NOD1: variants seen among roughly 807,000 people sequenced by gnomAD.
NOD1 encodes nucleotide binding oligomerization domain containing 1, also known as nucleotide-binding oligomerization domain-containing protein 1.
NOD1 carries 70 observed loss-of-function variants against 81.2 expected under a neutral mutation model. The observed-to-expected ratio is 0.86, with a 90% CI of 0.71 to 1.05. The LOEUF (loss-of-function observed/expected upper bound fraction) is 1.05. NOD1 is among the 50% of genes least tolerant of loss of function. The pLI, the probability that NOD1 is intolerant of heterozygous loss-of-function variation, is 0.00. For synonymous variants in NOD1, 508 were observed against 526.9 expected (o/e 0.96, Z 0.49); for missense variants, 1,233 against 1,228.0 (o/e 1.00, Z -0.06).
rs1451869675 is a variant in NOD1 at position 30,424,544 on chromosome 7, T to C, written c.*1094A>G. 2 of 152,188 alleles carry C rather than the reference T, an allele frequency of 1.3e-5. No homozygotes were observed. Among genetic ancestry groups the C allele is most frequent in the African/African-American group, 4.8e-5 (2 of 41,438 alleles). 9.4% of individuals were successfully genotyped at this position (152,188 alleles called of 1,614,324 possible). A position where few individuals can be genotyped will look rare whatever the true frequency, so the allele number is the denominator to read the frequency against. ...TCAACCCGTAAGAGTGTTTTCAGTA[T>C]TTTATTAACAAATGAGCTGGCAAGA... On this transcript the variant is annotated 3_prime_UTR_variant, in exon 14 of 14. Coordinates refer to ENST00000222823, the MANE Select transcript of NOD1 (RefSeq NM_006092.4).
chr7:30,461,085 A>C (rs1453029959), intron 1 of NOD1, among the ~76,000 whole-genome samples: 1 of 152,270 alleles, frequency 6.6e-6, no homozygotes, highest in East Asian at 1.9e-4. Flanking sequence ...CACTAATAAA[A>C]GTAAAAATGG....
At chr7:30,448,873 C>T (rs1785395208) in intron 6 of NOD1, among the ~76,000 whole-genome samples, 1 of 152,132 alleles carries the variant, frequency 6.6e-6, no homozygotes, top group South Asian at 2.1e-4. Flanking sequence ...ACTGTTATAC[C>T]CAAAATGCCA....
At chr7:30,429,245 G>T in intron 13 of NOD1, 129 bp downstream of exon 13, 1 of 802,392 alleles carries the variant, frequency 1.2e-6, no homozygotes, top group Non-Finnish European at 2.2e-6. Flanking sequence ...TAAAACAGAG[G>T]TAATACCATT....
rs551985985 is a variant in NOD1, at chr7:30,429,871, A to G, written c.2706-414T>C. Among the ~76,000 whole-genome samples the G allele has an allele frequency of 2.2e-4, 34 of 152,298 alleles. 1 individual carries two copies. Among genetic ancestry groups the G allele is most frequent in the African/African-American group, 7.9e-4 (33 of 41,558 alleles). ...CTGTCTCTATTAAAAATACAAAAAA[A>G]TTAGCTGGGCATGGTGGTGTGCACC... On this transcript the variant is annotated intron_variant, in intron 12 of 13. Coordinates refer to ENST00000222823, the MANE Select transcript of NOD1 (RefSeq NM_006092.4).
chr7:30,432,781 G>A (rs1784057213), intron 12 of NOD1, among the ~76,000 whole-genome samples: 1 of 152,204 alleles, frequency 6.6e-6, no homozygotes, highest in African/African-American at 2.4e-5. Flanking sequence ...CTAGAACACA[G>A]AGACAAAAGG....
Position 30,448,314 on chromosome 7 carries a change from T to G in NOD1, c.2269A>C (p.Ile757Leu), listed in dbSNP as rs1785325857. ...VLSEELTKYKIVTYLGLYNNQ... is the reference protein window; with the variant it reads ...VLSEELTKYKLVTYLGLYNNQ... The stretch of plus-strand genomic sequence containing the variant: ...AAGACATACCCCAAATAGGTCACAA[T>G]TTTGTATTTGGTCAGCTCTTCGCTT... Residue 757 changes from isoleucine to leucine, a missense_variant, in exon 7 of 14, where the codon ATT (isoleucine) becomes CTT (leucine). By Grantham distance (5) the Ile-to-Leu change is conservative (BLOSUM62 2). Transcript: ENST00000222823. 1.2e-6 allele frequency: 2 copies of G among 1,614,046 alleles called. No homozygotes were observed. The highest frequency in any genetic ancestry group is 1.1e-5 in the South Asian group (1 of 91,086).
At position 30,453,175 on chromosome 7, in the gene NOD1, C is replaced by T. The variant is rs1261652166; in HGVS notation, c.377-135G>A. Reference sequence around the variant, plus strand: ...AACCTGGGCCCTGAGGCCAGCGCAGCCACTCCTCAGATGCAGGACCTGGGG... The same window carrying T: ...AACCTGGGCCCTGAGGCCAGCGCAGTCACTCCTCAGATGCAGGACCTGGGG... On this transcript the variant is annotated intron_variant, in intron 5 of 13. Coordinates refer to ENST00000222823, the MANE Select transcript of NOD1 (RefSeq NM_006092.4). The T allele has an allele frequency of 7.8e-6, 7 of 900,018 alleles. No individual in the cohort carries two copies. In the African/African-American group the frequency reaches 1.2e-4, roughly 15 times the overall value. 55.8% of individuals were successfully genotyped at this position (900,018 alleles called of 1,614,324 possible).
intron 3 of NOD1, among the ~76,000 whole-genome samples, chr7:30,458,740 C>CT (rs11430536): frequency 0.26 from 35,893 of 139,690 alleles, 4,701 homozygotes; most frequent in South Asian, 0.39. Flanking sequence ...CCAGCCTTTT[C>CT]TTTTTTTTTT....
At position 30,446,244 on chromosome 7, in the gene NOD1, C is replaced by G. The variant is rs749770025; in HGVS notation, c.2370-20G>C. On this transcript the variant is annotated intron_variant, in intron 8 of 13. Transcript: ENST00000222823. ...CCCAGTCTGCAGAGAGAGTCACACACAGTCAGCCTCCAGCTATGCAGGGGC... is the reference window on the plus strand; with the variant it reads ...CCCAGTCTGCAGAGAGAGTCACACAGAGTCAGCCTCCAGCTATGCAGGGGC... The G allele has an allele frequency of 2.5e-6, 4 of 1,593,892 alleles. No individual in the cohort carries two copies. The highest frequency in any genetic ancestry group is 1.7e-5 in the Admixed American group (1 of 59,992).
intron 1 of NOD1, among the ~76,000 whole-genome samples, chr7:30,463,044 G>A (rs758306662): frequency 6.6e-6 from 1 of 151,710 alleles, no homozygotes; most frequent in Non-Finnish European, 1.5e-5. Context: ...AGATGGGAGT[G>A]GGGGAGAAAT....
rs556139791 is a variant in NOD1, at chr7:30,452,368, C to G, written c.1049G>C (p.Arg350Pro). 1 of 1,613,218 alleles carries G rather than the reference C, an allele frequency of 6.2e-7. No homozygotes were observed. The highest frequency in any genetic ancestry group is 1.3e-5 in the African/African-American group (1 of 74,938). The change falls in exon 6 of 14, where the codon CGG becomes CCG. Residue 350 changes from arginine to proline, a missense_variant. Transcript: ENST00000222823. The stretch of plus-strand genomic sequence containing the variant: ...GCGCAGGTGGCTGGGGGAGAAGCCC[C>G]GGAGAAGCACCTTCTTCCGCAGGAA... ...RQFLRKKVLL[R>P]GFSPSHLRAY...
chr7:30,433,802 AAG>A (rs760823026), intron 11 of NOD1, among the ~76,000 whole-genome samples: 13 of 152,060 alleles, frequency 8.5e-5, no homozygotes, highest in Non-Finnish European at 1.8e-4. Flanking sequence ...ATAGAACAGA[AAG>A]AACATTTAAA....
intron 1 of NOD1, among the ~76,000 whole-genome samples, chr7:30,462,423 T>G (rs1287248061): frequency 7.0e-6 from 1 of 141,924 alleles, no homozygotes; most frequent in East Asian, 2.3e-4. Flanking sequence ...GGGGTTCTGA[T>G]GGGTTTTTTT....
intron 3 of NOD1, among the ~76,000 whole-genome samples, chr7:30,458,669 A>G (rs1370369397): frequency 1.3e-5 from 2 of 152,184 alleles, no homozygotes; most frequent in African/African-American, 4.8e-5. Flanking sequence ...ATCCTCACCA[A>G]AAAAATTTAA....
At chr7:30,429,810 T>G (rs1294634333) in intron 12 of NOD1, among the ~76,000 whole-genome samples, 1 of 152,130 alleles carries the variant, frequency 6.6e-6, no homozygotes, top group Non-Finnish European at 1.5e-5. Context: ...GGTGGGTGGA[T>G]CACGAGCTCA....
Position 30,451,428 on chromosome 7 carries a change from CTG to C in NOD1, c.1987_1988del (p.Gln663GlufsTer79). 6 of 1,613,872 alleles carry C rather than the reference CTG, an allele frequency of 3.7e-6. No homozygotes were observed. The highest frequency in any genetic ancestry group is 5.1e-6 in the Non-Finnish European group (6 of 1,180,040). On this transcript the variant is annotated frameshift_variant, in exon 6 of 14. Coordinates refer to ENST00000222823, the MANE Select transcript of NOD1 (RefSeq NM_006092.4). LOFTEE classifies it high-confidence loss of function. This position sits in a 1 kb window ranked among gnomAD's most constrained non-coding sequence, Gnocchi z 4.2. ...CCGCCAGCTGCCCCACCTTCTGGCT[CTG>C]TGTCTCGTAGATGCAGCGCAGCATC... ...IWMLRCIYET[Q>X]SQKVGQLAAR...
chr7:30,430,990 C>CTT (rs1783903744), intron 12 of NOD1, among the ~76,000 whole-genome samples: 1 of 152,234 alleles, frequency 6.6e-6, no homozygotes, highest in Non-Finnish European at 1.5e-5. Context: ...CTAGTCACCA[C>CTT]TTAGGCTTTT....
At chr7:30,439,404 G>T (rs562597115) in intron 9 of NOD1, among the ~76,000 whole-genome samples, 1 of 139,974 alleles carries the variant, frequency 7.1e-6, no homozygotes, top group Non-Finnish European at 1.5e-5. Flanking sequence ...TGCGCGCACC[G>T]TGCGCGAGCC....
chr7:30,438,106 C>T (rs1049828723), intron 9 of NOD1, among the ~76,000 whole-genome samples: 3 of 152,230 alleles, frequency 2.0e-5, no homozygotes, highest in African/African-American at 7.2e-5. Context: ...CCTGAAGACA[C>T]AGTCTTCCAG....
Sources: gnomAD v4.1 joint callset for allele counts (sites outside exome capture counted in the v4.1 genomes callset) on GRCh38, gnomAD v4.1.1 for gene constraint, Gnocchi (gnomAD v3.1) non-coding constraint, MANE v1.5 for transcripts, NCBI Gene and HGNC (gene_info 2026-07-23, HGNC 2026-07-21) for gene names.